Variants in PPARGC1A observed in about 807,000 individuals in gnomAD.
PPARGC1A encodes the protein PPARG coactivator 1 alpha.
Under a neutral mutation model 88.7 loss-of-function variants are expected in PPARGC1A, and 25 were observed. The ratio of observed to expected loss-of-function variants is 0.28; its 90% CI spans 0.21 to 0.39. The LOEUF (loss-of-function observed/expected upper bound fraction) is 0.39. Among genes scored for constraint, PPARGC1A ranks in the 10% least tolerant of loss-of-function variants. The pLI is 1.00. For synonymous variants in PPARGC1A, 363 were observed against 355.6 expected (o/e 1.02, Z -0.24); for missense variants, 880 against 968.7 (o/e 0.91, Z 1.22).
chr4:23,906,230 A>C (rs1720014190), upstream of PPARGC1A, among the ~76,000 whole-genome samples: 2 of 152,338 alleles, frequency 1.3e-5, no homozygotes, highest in South Asian at 4.1e-4. Flanking sequence ...TTCTCCTTAA[A>C]TGAAATGAAG....
At chr4:23,994,761 C>T in the PPARGC1A span, among the ~76,000 whole-genome samples, 8 of 152,112 alleles carry the variant, frequency 5.3e-5, no homozygotes, top group African/African-American at 1.9e-4. Flanking sequence ...GGAAATTGGT[C>T]AGGCTTTGCA....
chr4:23,969,621 G>A, the PPARGC1A span, among the ~76,000 whole-genome samples: 8 of 152,242 alleles, frequency 5.3e-5, no homozygotes, highest in East Asian at 1.5e-3. Context: ...TGGAAGGCGT[G>A]GATTGTTTAT....
the PPARGC1A span, among the ~76,000 whole-genome samples, chr4:23,974,322 C>G: frequency 6.6e-6 from 1 of 152,100 alleles, no homozygotes; most frequent in Non-Finnish European, 1.5e-5. Flanking sequence ...AACAATAATA[C>G]CGACCATAAC....
the PPARGC1A span, among the ~76,000 whole-genome samples, chr4:24,205,269 C>A: frequency 6.6e-6 from 1 of 152,176 alleles, no homozygotes; most frequent in African/African-American, 2.4e-5. Context: ...CACCCAGTCC[C>A]TTGTATCCCA....
intron 3 of PPARGC1A, 181 bp downstream of exon 3, chr4:23,831,376 G>A (rs957597792): frequency 2.6e-5 from 13 of 495,510 alleles, no homozygotes; most frequent in Non-Finnish European, 3.6e-5. Flanking sequence ...ACACGAAGAC[G>A]TGTATTATCA....
the PPARGC1A span, among the ~76,000 whole-genome samples, chr4:23,953,848 G>A: frequency 1.2e-4 from 19 of 152,092 alleles, no homozygotes; most frequent in Non-Finnish European, 1.6e-4. Context: ...ATTGTCACAT[G>A]TGGAAAACAA....
At chr4:24,152,234 C>T in the PPARGC1A span, among the ~76,000 whole-genome samples, 1 of 152,192 alleles carries the variant, frequency 6.6e-6, no homozygotes, top group African/African-American at 2.4e-5. Context: ...ACTTTTCTAT[C>T]TGTACTTACA....
chr4:23,956,964 G>A, the PPARGC1A span, among the ~76,000 whole-genome samples: 49 of 152,112 alleles, frequency 3.2e-4, no homozygotes, highest in African/African-American at 1.1e-3. Flanking sequence ...TACAGATAAC[G>A]AAACTAATAG....
the PPARGC1A span, among the ~76,000 whole-genome samples, chr4:24,332,532 A>G: frequency 1.3e-5 from 2 of 152,244 alleles, no homozygotes; most frequent in Admixed American, 1.3e-4. Context: ...TGAATTAATG[A>G]AACATCTTTA....
the PPARGC1A span, among the ~76,000 whole-genome samples, chr4:24,444,958 T>C: frequency 6.6e-6 from 1 of 151,710 alleles, no homozygotes; most frequent in East Asian, 1.9e-4. Flanking sequence ...GAGGCTGAAG[T>C]GGGAGGATTG....
chr4:23,844,774 G>T (rs1487281999), intron 2 of PPARGC1A, among the ~76,000 whole-genome samples: 6 of 104,456 alleles, frequency 5.7e-5, no homozygotes, highest in African/African-American at 8.1e-5. Context: ...AATAATATAT[G>T]ATATATATTA....
the PPARGC1A span, among the ~76,000 whole-genome samples, chr4:24,278,250 G>A: frequency 6.6e-6 from 1 of 152,164 alleles, no homozygotes; most frequent in Non-Finnish European, 1.5e-5. Context: ...TGGCTTCTGT[G>A]AGATTAAATT....
At chr4:23,897,143 C>A (rs1055589888) in intron 1 of PPARGC1A, among the ~76,000 whole-genome samples, 10 of 152,194 alleles carry the variant, frequency 6.6e-5, no homozygotes, top group Admixed American at 5.9e-4. Flanking sequence ...AATTTGATTT[C>A]ATGTTCTCAA....
the PPARGC1A span, among the ~76,000 whole-genome samples, chr4:24,300,998 C>G: frequency 1.3e-4 from 19 of 151,816 alleles, no homozygotes; most frequent in Non-Finnish European, 1.5e-5. Flanking sequence ...CTTTAATAAA[C>G]TTTTGGAGCT....
chr4:23,859,182 C>T (rs1377950357), intron 2 of PPARGC1A, among the ~76,000 whole-genome samples: 2 of 152,076 alleles, frequency 1.3e-5, no homozygotes, highest in Non-Finnish European at 2.9e-5. Context: ...ATTTCAAAAA[C>T]TATTCTTTAG....
chr4:24,073,729 A>T, the PPARGC1A span, among the ~76,000 whole-genome samples: 1 of 152,208 alleles, frequency 6.6e-6, no homozygotes, highest in Admixed American at 6.5e-5. Flanking sequence ...TAACACAAAG[A>T]GGCTGAGGAA....
the PPARGC1A span, among the ~76,000 whole-genome samples, chr4:24,387,770 A>AGAGAGAGAGAGAG: frequency 4.4e-4 from 26 of 58,862 alleles, no homozygotes; most frequent in African/African-American, 1.5e-3. Context: ...GAGAGAGAGA[A>AGAGAGAGAGAGAG]AGAAAGAAAG....
chr4:24,394,919 C>T, the PPARGC1A span, among the ~76,000 whole-genome samples: 2 of 152,124 alleles, frequency 1.3e-5, no homozygotes, highest in Admixed American at 6.6e-5. Context: ...TAATATAGAG[C>T]TTGGGAGTTA....
chr4:23,904,502 A>G (rs934117332), upstream of PPARGC1A, among the ~76,000 whole-genome samples: 2 of 152,072 alleles, frequency 1.3e-5, no homozygotes, highest in African/African-American at 2.4e-5. Context: ...TAATATTGAC[A>G]TTAAAGAGAG....
Sources: allele counts gnomAD v4.1 joint callset (sites outside exome capture counted in the v4.1 genomes callset), GRCh38; gene constraint gnomAD v4.1.1; transcripts MANE v1.5; gene names NCBI Gene and HGNC (gene_info 2026-07-23, HGNC 2026-07-21).